Variants in BTBD9 observed in about 807,000 individuals in gnomAD.
BTBD9 encodes BTB domain containing 9, also known as BTB/POZ domain-containing protein 9.
A neutral mutation model predicts 64.3 loss-of-function variants in BTBD9; 49 were observed. That is an observed-to-expected ratio of 0.76 (90% CI 0.61 to 0.97). The LOEUF is 0.97. Ranked by LOEUF, BTBD9 falls within the 50% of genes least tolerant of loss-of-function variation. The probability of loss-of-function intolerance (pLI) is 0.00; values close to 1 mark genes in which losing one functional copy is unlikely to be tolerated. For synonymous variants in BTBD9, 260 were observed against 274.7 expected (o/e 0.95, Z 0.53); for missense variants, 598 against 762.1 (o/e 0.78, Z 2.53).
At chr6:38,206,868 A>G (rs917197737) in intron 9 of BTBD9, among the ~76,000 whole-genome samples, 2 of 152,232 alleles carry the variant, frequency 1.3e-5, no homozygotes, top group Admixed American at 6.5e-5. Context: ...AGTCTAAAAG[A>G]GATGAATATG....
intron 7 of BTBD9, among the ~76,000 whole-genome samples, chr6:38,300,370 A>G (rs1445374780): frequency 6.6e-6 from 1 of 152,134 alleles, no homozygotes; most frequent in Non-Finnish European, 1.5e-5. Context: ...TGAACTTTAA[A>G]GTAGTTTTTT....
At chr6:38,631,959 T>A (rs1778377683) in intron 1 of BTBD9, among the ~76,000 whole-genome samples, 1 of 152,150 alleles carries the variant, frequency 6.6e-6, no homozygotes, top group Non-Finnish European at 1.5e-5. Context: ...AGAAACCCCG[T>A]CTCTACTAAA....
chr6:38,335,635 G>A (rs756616720), intron 7 of BTBD9, among the ~76,000 whole-genome samples: 34 of 150,786 alleles, frequency 2.3e-4, no homozygotes, highest in Non-Finnish European at 4.3e-4. Flanking sequence ...GCATGATCTC[G>A]ACTCACTGCA....
At chr6:38,446,849 C>G (rs574059205) in intron 6 of BTBD9, among the ~76,000 whole-genome samples, 9 of 152,146 alleles carry the variant, frequency 5.9e-5, no homozygotes, top group Non-Finnish European at 8.8e-5. Flanking sequence ...CTAGGCAGAG[C>G]GGGATCAGTC....
intron 1 of BTBD9, among the ~76,000 whole-genome samples, chr6:38,632,314 G>A (rs1295370965): frequency 1.3e-5 from 2 of 152,086 alleles, no homozygotes; most frequent in African/African-American, 4.8e-5. Flanking sequence ...TATATTTCCA[G>A]GAATGTATAA....
intron 8 of BTBD9, among the ~76,000 whole-genome samples, chr6:38,269,572 G>A (rs62397020): frequency 0.048 from 7,309 of 151,846 alleles, 249 homozygotes; most frequent in Admixed American, 0.073. Flanking sequence ...GTGGGTCATA[G>A]GACCAAAGGC....
intron 6 of BTBD9, among the ~76,000 whole-genome samples, chr6:38,379,403 G>A (rs1765832357): frequency 6.6e-6 from 1 of 152,184 alleles, no homozygotes; most frequent in African/African-American, 2.4e-5. Flanking sequence ...TGTAATCTCT[G>A]TAATCTGACA....
chr6:38,433,047 G>C (rs577603314), intron 6 of BTBD9, among the ~76,000 whole-genome samples: 27 of 152,014 alleles, frequency 1.8e-4, no homozygotes, highest in South Asian at 1.0e-3. Flanking sequence ...AACTGAATAA[G>C]ATAGCCCTAT....
At chr6:38,445,192 G>A (rs867114101) in intron 6 of BTBD9, among the ~76,000 whole-genome samples, 47 of 152,320 alleles carry the variant, frequency 3.1e-4, no homozygotes, top group South Asian at 1.4e-3. Flanking sequence ...TGTTGTATGA[G>A]TGAGAAATAT....
intron 6 of BTBD9, among the ~76,000 whole-genome samples, chr6:38,554,538 A>G (rs919826372): frequency 1.3e-5 from 2 of 152,254 alleles, no homozygotes; most frequent in African/African-American, 4.8e-5. Context: ...TTTAAGGTAT[A>G]CATTTACTTT....
At chr6:38,347,951 C>G (rs1241189367) in intron 6 of BTBD9, among the ~76,000 whole-genome samples, 1 of 152,114 alleles carries the variant, frequency 6.6e-6, no homozygotes, top group South Asian at 2.1e-4. Flanking sequence ...GAGCTGAGAT[C>G]GCGCCACTGT....
intron 9 of BTBD9, among the ~76,000 whole-genome samples, chr6:38,228,927 G>T (rs10947721): frequency 0.37 from 56,187 of 151,732 alleles, 11,256 homozygotes; most frequent in Non-Finnish European, 0.45. Context: ...GGCTGGGCAT[G>T]GTGGCTTACG....
chr6:38,613,579 G>A (rs1169483092), intron 1 of BTBD9, among the ~76,000 whole-genome samples: 1 of 151,986 alleles, frequency 6.6e-6, no homozygotes, highest in Non-Finnish European at 1.5e-5. Context: ...ACTCCAACCT[G>A]GGCGACAGGT....
At position 38,401,569 on chromosome 6, in the gene BTBD9, G is replaced by C. The variant is rs1201928856; in HGVS notation, c.1155-56476C>G. Among the ~76,000 whole-genome samples the C allele has an allele frequency of 2.0e-5, 3 of 152,202 alleles. No homozygotes were observed. The East Asian group carries it at 5.8e-4, about 29-fold the overall frequency. ...GGAACAGAATCATTGTTGTATAAAAGTGAAATGATCAACCCTGGTAAAGAG... is the reference window on the plus strand; with the variant it reads ...GGAACAGAATCATTGTTGTATAAAACTGAAATGATCAACCCTGGTAAAGAG... On this transcript the variant is annotated intron_variant, in intron 6 of 10. Coordinates refer to ENST00000481247, the MANE Select transcript of BTBD9 (RefSeq NM_001099272.2).
intron 9 of BTBD9, among the ~76,000 whole-genome samples, chr6:38,250,126 G>A (rs1190632483): frequency 2.6e-5 from 4 of 152,040 alleles, no homozygotes; most frequent in Non-Finnish European, 5.9e-5. Context: ...AAGTAACAGG[G>A]GCCCAAGGTC....
chr6:38,225,519 CTG>C (rs1763363599), intron 9 of BTBD9, among the ~76,000 whole-genome samples: 1 of 152,192 alleles, frequency 6.6e-6, no homozygotes, highest in Non-Finnish European at 1.5e-5. Context: ...TAATAAAAAA[CTG>C]TTAATATGTG....
chr6:38,361,508 G>A (rs916184869), intron 6 of BTBD9, among the ~76,000 whole-genome samples: 1 of 151,678 alleles, frequency 6.6e-6, no homozygotes, highest in African/African-American at 2.4e-5. Context: ...ATGCCACGGC[G>A]CTCCAGCCTG....
At chr6:38,576,371 T>C (rs1223672193) in intron 6 of BTBD9, among the ~76,000 whole-genome samples, 1 of 152,146 alleles carries the variant, frequency 6.6e-6, no homozygotes, top group African/African-American at 2.4e-5. Context: ...TAGTCTGTCT[T>C]TGGGGAAATG....
At chr6:38,587,900 G>C in intron 4 of BTBD9, 1 of 723,722 alleles carries the variant, frequency 1.4e-6, no homozygotes, top group Non-Finnish European at 2.6e-6. Flanking sequence ...CTTAACAGAT[G>C]ATCAGGTTTC....
Sources: allele counts gnomAD v4.1 joint callset (sites outside exome capture counted in the v4.1 genomes callset), GRCh38; gene constraint gnomAD v4.1.1; transcripts MANE v1.5; gene names NCBI Gene and HGNC (gene_info 2026-07-23, HGNC 2026-07-21).